The following APBA1 variants were observed in gnomAD, a reference collection of about 807,000 sequenced individuals.
APBA1 encodes amyloid-beta A4 precursor protein-binding family A member 1.
APBA1 carries 55 observed loss-of-function variants against 86.6 expected under a neutral mutation model. The observed-to-expected ratio is 0.64, with a 90% CI of 0.51 to 0.80. The LOEUF is 0.80. Among genes scored for constraint, APBA1 ranks in the 30% least tolerant of loss-of-function variants. The pLI, the probability that APBA1 is intolerant of heterozygous loss-of-function variation, is 0.00. For synonymous variants in APBA1, 511 were observed against 493.9 expected (o/e 1.03, Z -0.46); for missense variants, 1,090 against 1,183.0 (o/e 0.92, Z 1.15).
chr9:69,533,968 T>G (rs1249416579), intron 1 of APBA1, among the ~76,000 whole-genome samples: 1 of 152,192 alleles, frequency 6.6e-6, no homozygotes, highest in Non-Finnish European at 1.5e-5. Flanking sequence ...CCCAATGGAT[T>G]CATTTACAAA....
rs578176643 is a variant in APBA1, at chr9:69,536,411, C to T, written c.-69-19132G>A. On this transcript the variant is annotated intron_variant, in intron 1 of 12. Coordinates refer to ENST00000265381, the MANE Select transcript of APBA1 (RefSeq NM_001163.4). Reference sequence around the variant, plus strand: ...GATGGCCAGTCTTGATTCCTCCACACGCCTGTTCATTTGCCCCATCCTCTT... The same window carrying T: ...GATGGCCAGTCTTGATTCCTCCACATGCCTGTTCATTTGCCCCATCCTCTT... 1.5e-4 allele frequency among the ~76,000 whole-genome samples: 23 copies of T among 152,032 alleles called. No individual in the cohort carries two copies. In the East Asian group the frequency reaches 3.1e-3, roughly 20 times the overall value.
At chr9:69,537,448 T>A (rs1260670921) in intron 1 of APBA1, among the ~76,000 whole-genome samples, 1 of 151,990 alleles carries the variant, frequency 6.6e-6, no homozygotes, top group Non-Finnish European at 1.5e-5. Flanking sequence ...CACATGGGGA[T>A]CCATCCTCAA....
At chr9:69,551,962 C>T (rs1034305191) in intron 1 of APBA1, among the ~76,000 whole-genome samples, 1 of 152,184 alleles carries the variant, frequency 6.6e-6, no homozygotes, top group African/African-American at 2.4e-5. Context: ...GAAAGACACA[C>T]AGGAGGGGAA....
At chr9:69,561,882 T>G (rs1836951246) in intron 1 of APBA1, among the ~76,000 whole-genome samples, 1 of 152,098 alleles carries the variant, frequency 6.6e-6, no homozygotes, top group Non-Finnish European at 1.5e-5. Context: ...CCATCTCGGT[T>G]TCCCAAAGTA....
chr9:69,522,439 T>C (rs1403350715), intron 1 of APBA1, among the ~76,000 whole-genome samples: 3 of 152,152 alleles, frequency 2.0e-5, no homozygotes, highest in Non-Finnish European at 4.4e-5. Flanking sequence ...CTTCAACTTC[T>C]TCTAATGCTT....
chr9:69,539,097 C>G (rs947631944), intron 1 of APBA1, among the ~76,000 whole-genome samples: 3 of 152,192 alleles, frequency 2.0e-5, no homozygotes, highest in South Asian at 2.1e-4. Flanking sequence ...CCTCTCAACA[C>G]TGGAGGACCC....
chr9:69,623,953 T>C (rs1003453886), intron 1 of APBA1, among the ~76,000 whole-genome samples: 9 of 152,228 alleles, frequency 5.9e-5, no homozygotes, highest in African/African-American at 2.2e-4. Flanking sequence ...GAGGTAGGTA[T>C]AAGTGTATTT....
chr9:69,588,433 T>C (rs2133962786), intron 1 of APBA1, among the ~76,000 whole-genome samples: 1 of 152,066 alleles, frequency 6.6e-6, no homozygotes, highest in African/African-American at 2.4e-5. Flanking sequence ...CAAAACTTGT[T>C]TGTTGGTTGG....
intron 3 of APBA1, among the ~76,000 whole-genome samples, chr9:69,475,659 A>T (rs894651905): frequency 6.6e-6 from 1 of 152,248 alleles, no homozygotes; most frequent in African/African-American, 2.4e-5. Flanking sequence ...CTGCAAGCCC[A>T]TGGCATCAGC....
At chr9:69,667,595 A>G (rs1823866244) in intron 1 of APBA1, among the ~76,000 whole-genome samples, 1 of 149,598 alleles carries the variant, frequency 6.7e-6, no homozygotes, top group Admixed American at 6.8e-5. Context: ...ATCTTCTTGA[A>G]GACTTAATTC....
In APBA1 at chr9:69,554,601, C is replaced by G. The variant is rs550581896; in HGVS notation, c.-69-37322G>C. 2.6e-5 allele frequency among the ~76,000 whole-genome samples: 4 copies of G among 152,260 alleles called. No individual in the cohort carries two copies. The East Asian group carries it at 7.7e-4, about 29-fold the overall frequency. On this transcript the variant is annotated intron_variant, in intron 1 of 12. Transcript: ENST00000265381. Reference sequence around the variant, plus strand: ...GCACACAAGGAGCTTAAATATTATACAACAAAGACCTATGTGCTCATAAGA... The same window carrying G: ...GCACACAAGGAGCTTAAATATTATAGAACAAAGACCTATGTGCTCATAAGA...
intron 11 of APBA1, among the ~76,000 whole-genome samples, chr9:69,433,665 G>C (rs1052048318): frequency 6.6e-6 from 1 of 152,136 alleles, no homozygotes; most frequent in African/African-American, 2.4e-5. Context: ...AGTCACCCTA[G>C]ATCCTCTCCT....
In APBA1 at chr9:69,502,749, C is replaced by T. The variant is rs12001387; in HGVS notation, c.1200+13262G>A. Among the ~76,000 whole-genome samples the T allele has an allele frequency of 7.9e-3, 1,200 of 152,150 alleles. 19 individuals are homozygous for T. The highest frequency in any genetic ancestry group is 0.028 in the African/African-American group (1,142 of 41,526). Reference sequence around the variant, plus strand: ...AAGACCATTTACCTACATAAGTATACAAACCTGAGGAGAAATGAACGCATC... The same window carrying T: ...AAGACCATTTACCTACATAAGTATATAAACCTGAGGAGAAATGAACGCATC... On this transcript the variant is annotated intron_variant, in intron 2 of 12. Transcript: ENST00000265381.
chr9:69,663,783 A>C (rs1449411706), intron 1 of APBA1, among the ~76,000 whole-genome samples: 2 of 152,166 alleles, frequency 1.3e-5, no homozygotes, highest in Non-Finnish European at 2.9e-5. Flanking sequence ...TGGTTTTGCC[A>C]CCATACCTTG....
At chr9:69,607,720 G>T (rs1044796644) in intron 1 of APBA1, among the ~76,000 whole-genome samples, 2 of 152,130 alleles carry the variant, frequency 1.3e-5, no homozygotes, top group Non-Finnish European at 2.9e-5. Context: ...GTCCGTTTGG[G>T]CCAATAAATG....
chr9:69,434,787 T>C (rs1202185197), intron 11 of APBA1, among the ~76,000 whole-genome samples: 1 of 152,092 alleles, frequency 6.6e-6, no homozygotes, highest in East Asian at 1.9e-4. Context: ...AAATGTCCAC[T>C]TTAACGTTTT....
chr9:69,635,594 A>G (rs1254811084), intron 1 of APBA1, among the ~76,000 whole-genome samples: 1 of 152,152 alleles, frequency 6.6e-6, no homozygotes, highest in East Asian at 1.9e-4. Flanking sequence ...CTGTTGCCTA[A>G]AAGAAATACA....
chr9:69,491,433 C>T lies in APBA1; in HGVS notation c.1201-15290G>A, dbSNP rs558899558. Among the ~76,000 whole-genome samples, 7 of 151,574 alleles carry T rather than the reference C, an allele frequency of 4.6e-5. No individual in the cohort carries two copies. In the South Asian group the frequency reaches 1.3e-3, roughly 27 times the overall value. ...GAACACTTAGACATAGGAAGGGGAA[C>T]ATCACACACTGGGGCCTGTCATGGG... On this transcript the variant is annotated intron_variant, in intron 2 of 12. Coordinates refer to ENST00000265381, the MANE Select transcript of APBA1 (RefSeq NM_001163.4).
At chr9:69,558,343 A>G (rs1836894088) in intron 1 of APBA1, among the ~76,000 whole-genome samples, 1 of 152,070 alleles carries the variant, frequency 6.6e-6, no homozygotes, top group African/African-American at 2.4e-5. Context: ...TGTGATTACT[A>G]ATTTTATTGC....
Sources: allele counts gnomAD v4.1 joint callset (sites outside exome capture counted in the v4.1 genomes callset), GRCh38; gene constraint gnomAD v4.1.1; transcripts MANE v1.5; gene names NCBI Gene and HGNC (gene_info 2026-07-23, HGNC 2026-07-21).